ACAP3: variants seen among roughly 807,000 people sequenced by gnomAD.
The protein encoded by ACAP3 is ArfGAP with coiled-coil, ankyrin repeat and PH domains 3.
In ACAP3, 56 loss-of-function variants were observed where a neutral mutation model predicts 104.1. The observed-to-expected ratio is 0.54, with a 90% CI of 0.43 to 0.67. The LOEUF is 0.67. ACAP3 is among the 30% of genes least tolerant of loss of function. The probability of loss-of-function intolerance (pLI) is 0.00; values close to 1 mark genes in which losing one functional copy is unlikely to be tolerated. For synonymous variants in ACAP3, 628 were observed against 496.2 expected (o/e 1.27, Z -3.53); for missense variants, 1,208 against 1,174.9 (o/e 1.03, Z -0.41).
chr1:1,307,000 G>A, intron 1 of ACAP3: 1 of 455,074 alleles, frequency 2.2e-6, no homozygotes, highest in Non-Finnish European at 4.2e-6. Flanking sequence ...GAGGCACGCA[G>A]AGGGGCAAAG....
At chr1:1,295,172 C>T (rs1641067016) in intron 19 of ACAP3, among the ~76,000 whole-genome samples, 1 of 152,114 alleles carries the variant, frequency 6.6e-6, no homozygotes, top group African/African-American at 2.4e-5. Flanking sequence ...CCAGAAGGGC[C>T]CTAGGCTGAG....
chr1:1,307,179 G>C (rs557541083), intron 1 of ACAP3: 10 of 1,285,936 alleles, frequency 7.8e-6, no homozygotes, highest in Admixed American at 6.9e-5. Flanking sequence ...AGTTCACGCA[G>C]GTGTACACGC....
rs538021255 is a variant in ACAP3, at chr1:1,298,185, C to T, written c.916-72G>A. On this transcript the variant is annotated intron_variant, in intron 12 of 23. Transcript: ENST00000354700. ...CCCGACCACCCACTTCCTGCTTCACCTTGGAGACCCGGAGGCCGACTGCCT... is the reference window on the plus strand; with the variant it reads ...CCCGACCACCCACTTCCTGCTTCACTTTGGAGACCCGGAGGCCGACTGCCT... The T allele has an allele frequency of 3.2e-6, 5 of 1,562,588 alleles. No individual in the cohort carries two copies. In the South Asian group the frequency reaches 3.5e-5, roughly 11 times the overall value.
At chr1:1,299,423 G>A in intron 9 of ACAP3, 67 bp from the exon 10 acceptor site, 1 of 1,462,346 alleles carries the variant, frequency 6.8e-7, no homozygotes, top group Non-Finnish European at 9.1e-7. Flanking sequence ...AACTCCTGGT[G>A]ACTGGTGGAC....
In ACAP3 at chr1:1,304,143, C is replaced by G; in HGVS notation, c.48G>C (p.Arg16Ser). Reference sequence around the variant, plus strand: ...CCGTCTCCACCTCGTCAATGGTCGCCCTAAAGCAAGAACGGGGCTGGCTGG... The same window carrying G: ...CCGTCTCCACCTCGTCAATGGTCGCGCTAAAGCAAGAACGGGGCTGGCTGG... ...EECVKDSPRFRATIDEVETDV... is the reference protein window; with the variant it reads ...EECVKDSPRFSATIDEVETDV... Residue 16 changes from arginine (R) to serine (S), a missense_variant and splice_region_variant, in exon 2 of 24, where the codon AGG becomes AGC. Physicochemically the swap from Arg to Ser is moderately radical, Grantham distance 110. Transcript: ENST00000354700. 1 of 1,550,622 alleles carries G rather than the reference C, an allele frequency of 6.4e-7. No individual in the cohort carries two copies. Among genetic ancestry groups the G allele is most frequent in the Non-Finnish European group, 8.7e-7 (1 of 1,146,866 alleles).
At chr1:1,299,751 G>A (rs1381465136) in intron 9 of ACAP3, 80 bp downstream of exon 9, 8 of 1,430,850 alleles carry the variant, frequency 5.6e-6, no homozygotes, top group Non-Finnish European at 7.5e-6. Flanking sequence ...AAGGGGCGGG[G>A]AGGGTGTGCC....
chr1:1,295,806 G>A lies in ACAP3; in HGVS notation c.1635C>T (p.Pro545=), dbSNP rs758565273. The change falls in exon 18 of 24, where the codon CCC becomes CCT. Residue 545 remains proline (P), a synonymous_variant. Coordinates refer to ENST00000354700, the MANE Select transcript of ACAP3 (RefSeq NM_030649.3). ...VQKCLRPHSS[P]RAPTARRKVR... ...CCTTGCGGCGGGCAGTGGGAGCGCG[G>A]GGAGAGCTGTGGGGCCGCAGGCACT... 3.5e-5 allele frequency: 57 copies of A among 1,610,114 alleles called. No homozygotes were observed. Among genetic ancestry groups the A allele is most frequent in the Middle Eastern group, 3.3e-4 (2 of 6,052 alleles).
Position 1,296,505 on chromosome 1 carries a change from G to A in ACAP3, c.1257C>T (p.Gly419=), listed in dbSNP as rs371372231. ...VQSVAGNSQC[G]DCGQPDPRWA... is the part of the protein sequence containing the mutation. Reference sequence around the variant, plus strand: ...AGCGGGGGTCCGGCTGGCCGCAGTCGCCGCACTGGCTGTTGCCGGCCACAC... The same window carrying A: ...AGCGGGGGTCCGGCTGGCCGCAGTCACCGCACTGGCTGTTGCCGGCCACAC... Residue 419 remains glycine (G), a synonymous_variant, in exon 15 of 24, where the codon GGC becomes GGT. Coordinates refer to ENST00000354700, the MANE Select transcript of ACAP3 (RefSeq NM_030649.3). 1.4e-5 allele frequency: 21 copies of A among 1,541,424 alleles called. No homozygotes were observed. The highest frequency in any genetic ancestry group is 3.9e-5 in the Admixed American group (2 of 50,998).
Position 1,295,922 on chromosome 1 carries a change from A to C in ACAP3, c.1519T>G (p.Trp507Gly). The C allele has an allele frequency of 6.2e-7, 1 of 1,612,404 alleles. No individual in the cohort carries two copies. Reference protein sequence around the residue: ...ASSSRQDKEAWIKDKYVEKKF... With the variant: ...ASSSRQDKEAGIKDKYVEKKF... Reference sequence around the variant, plus strand: ...TTTTCCACGTATTTGTCCTTGATCCAGGCCTCCTTGTCCTGCCTGGACCAG... The same window carrying C: ...TTTTCCACGTATTTGTCCTTGATCCCGGCCTCCTTGTCCTGCCTGGACCAG... Residue 507 changes from tryptophan to glycine, a missense_variant, in exon 18 of 24, where the codon TGG (tryptophan) becomes GGG (glycine). Transcript: ENST00000354700.
Position 1,298,426 on chromosome 1 carries a change from G to A in ACAP3, c.864-5C>T. On this transcript the variant is annotated splice_region_variant and splice_polypyrimidine_tract_variant and intron_variant, in intron 11 of 23. Transcript: ENST00000354700. ...TTCTGAATGGAGAACCAGCGCCTAG[G>A]TGGGTGGGGGGATGTGGGGAGTCAG... The A allele has an allele frequency of 6.2e-7, 1 of 1,600,418 alleles. No individual in the cohort carries two copies. The highest frequency in any genetic ancestry group is 1.7e-4 in the Middle Eastern group (1 of 6,004).
At chr1:1,297,186 C>T (rs1641215462) in intron 14 of ACAP3, among the ~76,000 whole-genome samples, 1 of 136,206 alleles carries the variant, frequency 7.3e-6, no homozygotes, top group Admixed American at 7.0e-5. Context: ...GGGCCATCCC[C>T]AGTGGCACGT....
intron 1 of ACAP3, chr1:1,307,070 A>T: frequency 1.2e-6 from 1 of 820,868 alleles, no homozygotes; most frequent in Non-Finnish European, 1.8e-6. Context: ...GCAGGTGCGC[A>T]CTTGGGGATG....
chr1:1,298,265 T>C, intron 12 of ACAP3, 105 bp downstream of exon 12: 2 of 1,585,410 alleles, frequency 1.3e-6, no homozygotes, highest in South Asian at 2.3e-5. Context: ...GGCTCCGGCG[T>C]CCACTAGTGC....
chr1:1,296,728 G>A, intron 14 of ACAP3, 95 bp from the exon 15 acceptor site: 10 of 1,337,252 alleles, frequency 7.5e-6, no homozygotes, highest in Middle Eastern at 2.5e-4. Flanking sequence ...GCCAATGCAG[G>A]CCAGGGCCCC....
rs1216726894 is a variant in ACAP3 at position 1,304,036 on chromosome 1, G to C, written c.105+50C>G. 1.7e-5 allele frequency: 26 copies of C among 1,548,526 alleles called. No individual in the cohort carries two copies. In the East Asian group the frequency reaches 5.4e-4, roughly 32 times the overall value. ...GCCTGGAGGGCGAGTCTGGCCATGT[G>C]GCCATCCCAAGCTTGGCCGGGCACA... On this transcript the variant is annotated intron_variant, in intron 2 of 23. Coordinates refer to ENST00000354700, the MANE Select transcript of ACAP3 (RefSeq NM_030649.3).
intron 5 of ACAP3, 35 bp downstream of exon 5, chr1:1,301,953 T>A: frequency 6.5e-7 from 1 of 1,527,880 alleles, no homozygotes; most frequent in Non-Finnish European, 8.8e-7. Context: ...GAGCGTGGCC[T>A]CAGTGTTCTT....
In ACAP3 at chr1:1,296,051, C is replaced by T; in HGVS notation, c.1466G>A (p.Gly489Asp). The T allele has an allele frequency of 6.2e-7, 1 of 1,612,826 alleles. No homozygotes were observed. Among genetic ancestry groups the T allele is most frequent in the Non-Finnish European group, 8.5e-7 (1 of 1,179,978 alleles). Reference protein sequence around the residue: ...VNQIYEAQCEGAGSRKPTASS... With the variant: ...VNQIYEAQCEDAGSRKPTASS... ...GGCTGTGGGTTTCCTGCTGCCTGCACCCTCACACTGGGCCTCATAGATCTG... is the reference window on the plus strand; with the variant it reads ...GGCTGTGGGTTTCCTGCTGCCTGCATCCTCACACTGGGCCTCATAGATCTG... The change falls in exon 17 of 24, where the codon GGT (glycine) becomes GAT (aspartate). Residue 489 changes from glycine to aspartate, a missense_variant. Gly to Asp is a moderately conservative substitution (Grantham distance 94). Coordinates refer to ENST00000354700, the MANE Select transcript of ACAP3 (RefSeq NM_030649.3).
Position 1,294,433 on chromosome 1 carries a change from C to A in ACAP3, c.2108G>T (p.Gly703Val). Residue 703 changes from glycine to valine, a missense_variant, in exon 21 of 24, where the codon GGC becomes GTC. Transcript: ENST00000354700. ...CACGGCCTGCACCAGCGGCGTCTTG[C>A]CCTCATCCTCCGCGTCCGCCCAGTT... ...EVNWADAEDE[G>V]KTPLVQAVLG... 1 of 1,576,236 alleles carries A rather than the reference C, an allele frequency of 6.3e-7. No homozygotes were observed. Among genetic ancestry groups the A allele is most frequent in the Non-Finnish European group, 8.6e-7 (1 of 1,166,994 alleles).
Position 1,293,618 on chromosome 1 carries a change from G to C in ACAP3, c.2451C>G (p.Leu817=), listed in dbSNP as rs1570622859. 1.3e-6 allele frequency: 2 copies of C among 1,496,712 alleles called. No individual in the cohort carries two copies. The highest frequency in any genetic ancestry group is 3.5e-4 in the Middle Eastern group (2 of 5,740). 92.7% of individuals were successfully genotyped at this position (1,496,712 alleles called of 1,614,324 possible). ...PGALAGSPTE[L]QFRRCIQEFI... ...ACTCCTGGATACACCTGCGGAACTG[G>C]AGCTCCGTGGGGCTGCCCGCCAGGG... The change falls in exon 24 of 24, where the codon CTC becomes CTG. Residue 817 remains leucine (L), a synonymous_variant. Transcript: ENST00000354700.
Sources: allele counts gnomAD v4.1 joint callset (sites outside exome capture counted in the v4.1 genomes callset), GRCh38; gene constraint gnomAD v4.1.1; transcripts MANE v1.5; gene names NCBI Gene and HGNC (gene_info 2026-07-23, HGNC 2026-07-21).